Variants in TEX11 observed in about 807,000 individuals in gnomAD.
TEX11 encodes testis expressed 11, also known as testis-expressed protein 11.
Under a neutral mutation model 84.4 loss-of-function variants are expected in TEX11, and 7 were observed. The observed-to-expected ratio is 0.08, with a 90% CI of 0.05 to 0.16. TEX11 has a LOEUF of 0.16. TEX11 is among the 10% of genes least tolerant of loss of function. The pLI, the probability that TEX11 is intolerant of heterozygous loss-of-function variation, is 1.00. For missense variants in TEX11, 551 were observed against 660.5 expected (o/e 0.83, Z 1.82); for synonymous variants, 264 against 222.8 (o/e 1.18, Z -1.64).
chrX:70,841,103 T>C (rs2091440723), intron 7 of TEX11, among the ~76,000 whole-genome samples: 1 of 111,038 alleles, frequency 9.0e-6, no homozygotes, highest in Admixed American at 9.6e-5. Flanking sequence ...TACCCAGGAA[T>C]TGAACTCAGC....
At chrX:70,669,760 T>C (rs1486160373) in intron 16 of TEX11, among the ~76,000 whole-genome samples, 1 of 112,966 alleles carries the variant, frequency 8.9e-6, no homozygotes, top group Admixed American at 9.4e-5. Context: ...CTTGTCCTTC[T>C]AGTTCTTTGT....
At chrX:70,621,766 A>G (rs993565555) in intron 20 of TEX11, among the ~76,000 whole-genome samples, 13 of 105,565 alleles carry the variant, frequency 1.2e-4, no homozygotes, top group Admixed American at 8.3e-4. Context: ...GAAAAGCAGC[A>G]GATTTTTCAG....
chrX:70,678,704 A>G (rs1480823496), intron 15 of TEX11, 100 bp downstream of exon 15: 27 of 610,810 alleles, frequency 4.4e-5, no homozygotes, highest in Non-Finnish European at 7.0e-5. Context: ...AAACAGACAG[A>G]GATTATTGAA....
chrX:70,760,576 A>T (rs1046211789), intron 9 of TEX11, among the ~76,000 whole-genome samples: 7 of 111,933 alleles, frequency 6.3e-5, no homozygotes, highest in African/African-American at 2.3e-4. Context: ...CTGAAACTGG[A>T]TCCCTTCCTT....
At chrX:70,708,475 C>CA (rs377484177) in intron 13 of TEX11, among the ~76,000 whole-genome samples, 259 of 110,951 alleles carry the variant, frequency 2.3e-3, no homozygotes, top group African/African-American at 4.7e-3. Context: ...ACAGATTATA[C>CA]AAAAAAAACC....
chrX:70,534,917 T>C (rs2087936748), intron 28 of TEX11, among the ~76,000 whole-genome samples: 2 of 111,727 alleles, frequency 1.8e-5, no homozygotes, highest in East Asian at 2.8e-4. Context: ...CCCATGCCCA[T>C]TGGCTCCATA....
At position 70,672,458 on chromosome X, in the gene TEX11, T is replaced by C. The variant is rs372645941; in HGVS notation, c.1243-1944A>G. Among the ~76,000 whole-genome samples, 107 of 112,155 alleles carry C rather than the reference T, an allele frequency of 9.5e-4. No individual in the cohort carries two copies. The South Asian group carries it at 0.015, about 16-fold the overall frequency. On this transcript the variant is annotated intron_variant, in intron 15 of 29. Coordinates refer to ENST00000374333, the MANE Select transcript of TEX11 (RefSeq NM_031276.3). The stretch of plus-strand genomic sequence containing the variant: ...ACTATTTTCCAAACCGTCTGTACTA[T>C]CTTATATTTCCACCATGAAGTTCCA...
In TEX11 at chrX:70,591,797, C is replaced by T. The variant is rs752256742; in HGVS notation, c.2094G>A (p.Glu698=). ...GGATGTCATTGCATGTCTGGATCTCCTCAAGTGCACGACTCAGGAACATGG... is the reference window on the plus strand; with the variant it reads ...GGATGTCATTGCATGTCTGGATCTCTTCAAGTGCACGACTCAGGAACATGG... The part of the protein sequence containing the change: ...EQTMFLSRAL[E]EIQTCNDIHN... The change falls in exon 25 of 30, where the codon GAG becomes GAA. Residue 698 remains glutamate, a synonymous_variant. Transcript: ENST00000374333. 1 of 1,209,466 alleles carries T rather than the reference C, an allele frequency of 8.3e-7. No individual in the cohort carries two copies. Among genetic ancestry groups the T allele is most frequent in the South Asian group, 1.8e-5 (1 of 56,537 alleles).
At chrX:70,688,428 C>T (rs1229288170) in intron 13 of TEX11, among the ~76,000 whole-genome samples, 1 of 111,328 alleles carries the variant, frequency 9.0e-6, no homozygotes, top group Non-Finnish European at 1.9e-5. Flanking sequence ...GATGAGCTAT[C>T]AGTCACAAAA....
chrX:70,865,870 C>A (rs771978593), intron 4 of TEX11, among the ~76,000 whole-genome samples: 11 of 111,939 alleles, frequency 9.8e-5, no homozygotes, highest in Non-Finnish European at 1.9e-4. Context: ...ATACCAGAAT[C>A]TCTGGGACAC....
At chrX:70,790,694 C>A (rs1009584901) in intron 9 of TEX11, among the ~76,000 whole-genome samples, 2 of 111,911 alleles carry the variant, frequency 1.8e-5, no homozygotes, top group African/African-American at 6.5e-5. Flanking sequence ...GTCGGCAACA[C>A]CTCCCAAGGC....
Position 70,624,958 on chromosome X carries a change from T to C in TEX11, c.1609-34A>G, listed in dbSNP as rs769422235. On this transcript the variant is annotated intron_variant, in intron 18 of 29. Coordinates refer to ENST00000374333, the MANE Select transcript of TEX11 (RefSeq NM_031276.3). ...AACAAATATAATACGTTAAATTACA[T>C]CTCAAAGTGATACTGCAAAATATTA... 11 of 1,008,963 alleles carry C rather than the reference T, an allele frequency of 1.1e-5. No individual in the cohort carries two copies. The Admixed American group carries it at 1.9e-4, about 17-fold the overall frequency. The allele number at this position is 1,008,963 out of a possible 1,213,427, so 83.1% of individuals were successfully genotyped here.
chrX:70,545,999 T>C (rs2088117697), intron 28 of TEX11, among the ~76,000 whole-genome samples: 1 of 112,232 alleles, frequency 8.9e-6, no homozygotes, highest in Non-Finnish European at 1.9e-5. Flanking sequence ...AGGCATGTAG[T>C]GTTCTTAATG....
intron 9 of TEX11, among the ~76,000 whole-genome samples, chrX:70,755,063 C>T (rs147914611): frequency 0.015 from 1,724 of 111,745 alleles, 40 homozygotes; most frequent in African/African-American, 0.053. Flanking sequence ...ACTAAAATGC[C>T]CAGACACTGA....
chrX:70,587,032 G>C (rs1042957763), intron 25 of TEX11, among the ~76,000 whole-genome samples: 2 of 112,299 alleles, frequency 1.8e-5, no homozygotes, highest in Non-Finnish European at 3.8e-5. Context: ...CTTTAGCAAA[G>C]AGACTGGTGG....
intron 28 of TEX11, among the ~76,000 whole-genome samples, chrX:70,544,267 A>T (rs2088085871): frequency 8.9e-6 from 1 of 111,964 alleles, no homozygotes; most frequent in Non-Finnish European, 1.9e-5. Context: ...TATTCTCAGC[A>T]CTTTGGGAGA....
At chrX:70,590,248 CAT>C (rs2088910844) in intron 25 of TEX11, among the ~76,000 whole-genome samples, 1 of 111,559 alleles carries the variant, frequency 9.0e-6, no homozygotes. Flanking sequence ...AAGTGACTGT[CAT>C]AGACTACGAG....
At position 70,830,334 on chromosome X, in the gene TEX11, C is replaced by T. The variant is rs146176796; in HGVS notation, c.606+3179G>A. On this transcript the variant is annotated intron_variant, in intron 8 of 29. Transcript: ENST00000374333. ...AGAGGCTATAACAATTTTACATACA[C>T]ATGCACCCAACACTGGAGCACTCAG... 6.3e-3 allele frequency among the ~76,000 whole-genome samples: 708 copies of T among 111,801 alleles called. 1 individual carries two copies. Among genetic ancestry groups the T allele is most frequent in the Non-Finnish European group, 0.011 (566 of 53,091 alleles).
chrX:70,644,013 A>C (rs2089703250), intron 17 of TEX11, among the ~76,000 whole-genome samples: 1 of 104,094 alleles, frequency 9.6e-6, no homozygotes, highest in Non-Finnish European at 2.0e-5. Context: ...AATTTTCGCA[A>C]CCTACTCATA....
Sources: allele counts gnomAD v4.1 joint callset (sites outside exome capture counted in the v4.1 genomes callset), GRCh38; gene constraint gnomAD v4.1.1; transcripts MANE v1.5; gene names NCBI Gene and HGNC (gene_info 2026-07-23, HGNC 2026-07-21).